PIWIL2: variants seen among roughly 807,000 people sequenced by gnomAD.
PIWIL2 encodes the protein piwi-like protein 2.
Under a neutral mutation model 116.5 loss-of-function variants are expected in PIWIL2, and 81 were observed. The ratio of observed to expected loss-of-function variants is 0.70; its 90% CI spans 0.58 to 0.84. The LOEUF (loss-of-function observed/expected upper bound fraction) is 0.84. Ranked by LOEUF, PIWIL2 falls within the 40% of genes least tolerant of loss-of-function variation. The pLI is 0.00. For synonymous variants in PIWIL2, 489 were observed against 429.5 expected (o/e 1.14, Z -1.71); for missense variants, 1,272 against 1,212.3 (o/e 1.05, Z -0.73).
intron 20 of PIWIL2, among the ~76,000 whole-genome samples, chr8:22,325,669 A>C (rs915454175): frequency 6.6e-6 from 1 of 151,840 alleles, no homozygotes; most frequent in African/African-American, 2.4e-5. Context: ...TTTTTAGTAG[A>C]GATGGGATTT....
rs909161088 is a variant in PIWIL2, at chr8:22,277,144, C to T, written c.-47+1746C>T. Among the ~76,000 whole-genome samples the T allele has an allele frequency of 2.6e-5, 4 of 151,948 alleles. No homozygotes were observed. In the South Asian group the frequency reaches 8.3e-4, roughly 32 times the overall value. Reference sequence around the variant, plus strand: ...TCAAGCAATTCTTGTGCCTCAGACTCCTGAGGAGGGGGGATTACAGGCATG... The same window carrying T: ...TCAAGCAATTCTTGTGCCTCAGACTTCTGAGGAGGGGGGATTACAGGCATG... On this transcript the variant is annotated intron_variant, in intron 1 of 22. Transcript: ENST00000356766.
intron 5 of PIWIL2, among the ~76,000 whole-genome samples, 159 bp downstream of exon 5, chr8:22,283,399 A>G (rs1481100856): frequency 1.3e-5 from 2 of 152,146 alleles, no homozygotes; most frequent in African/African-American, 4.8e-5. Flanking sequence ...TGACAAAGAG[A>G]TAGGACAATT....
intron 7 of PIWIL2, among the ~76,000 whole-genome samples, chr8:22,288,112 C>G (rs1460998967): frequency 6.6e-6 from 1 of 152,108 alleles, no homozygotes; most frequent in African/African-American, 2.4e-5. Context: ...TCCTGGCTAA[C>G]ACGGTGAAAC....
intron 15 of PIWIL2, 128 bp downstream of exon 15, chr8:22,310,202 C>T: frequency 1.7e-6 from 1 of 593,072 alleles, no homozygotes; most frequent in Non-Finnish European, 3.0e-6. Context: ...TCTGAATTAC[C>T]TACTAACCAG....
intron 20 of PIWIL2, among the ~76,000 whole-genome samples, chr8:22,326,047 G>A (rs1363264110): frequency 6.6e-6 from 1 of 152,144 alleles, no homozygotes; most frequent in Non-Finnish European, 1.5e-5. Context: ...AATAGATTCA[G>A]CCTATCTCTG....
At chr8:22,290,746 C>T (rs1399455010) in intron 10 of PIWIL2, among the ~76,000 whole-genome samples, 1 of 151,524 alleles carries the variant, frequency 6.6e-6, no homozygotes, top group African/African-American at 2.4e-5. Context: ...GTCATGGCAC[C>T]CAGCCCTGTT....
At chr8:22,355,227 C>G (rs1586606123) in intron 22 of PIWIL2, 122 bp from the exon 23 acceptor site, 6 of 844,550 alleles carry the variant, frequency 7.1e-6, no homozygotes, top group South Asian at 1.7e-5. Context: ...ATGTATTCCT[C>G]TGCTCCCCAG....
rs115107234 is a variant in PIWIL2 at position 22,342,613 on chromosome 8, A to C, written c.2404-10346A>C. Reference sequence around the variant, plus strand: ...GCATAGACCATACACGTTTTGCAAAAATTAAAACAAATTATAGACCTATGT... The same window carrying C: ...GCATAGACCATACACGTTTTGCAAACATTAAAACAAATTATAGACCTATGT... On this transcript the variant is annotated intron_variant, in intron 20 of 22. Coordinates refer to ENST00000356766, the MANE Select transcript of PIWIL2 (RefSeq NM_018068.5). Among the ~76,000 whole-genome samples the C allele has an allele frequency of 1.3e-3, 201 of 152,364 alleles. No individual in the cohort carries two copies. The Middle Eastern group carries it at 0.014, about 10-fold the overall frequency.
At chr8:22,326,257 G>A (rs1015438939) in intron 20 of PIWIL2, among the ~76,000 whole-genome samples, 2 of 151,592 alleles carry the variant, frequency 1.3e-5, no homozygotes, top group Admixed American at 6.6e-5. Flanking sequence ...TTAGTGGCTC[G>A]TGTCTGTAAT....
chr8:22,306,018 T>C lies in PIWIL2; in HGVS notation c.1545+2T>C. 1.2e-6 allele frequency: 2 copies of C among 1,608,090 alleles called. No homozygotes were observed. Among genetic ancestry groups the C allele is most frequent in the Admixed American group, 1.7e-5 (1 of 60,008 alleles). ...AAGAAGGACTTCAGAGCCATGAAGG[T>C]TGGAGTCCTGTGTTTTCAGCCGGAA... On this transcript the variant is annotated splice_donor_variant, in intron 13 of 22. Coordinates refer to ENST00000356766, the MANE Select transcript of PIWIL2 (RefSeq NM_018068.5). LOFTEE classifies it high-confidence loss of function.
rs1471556835 is a variant in PIWIL2, at chr8:22,279,473, A to C, written c.87A>C (p.Pro29=). 1 of 1,614,140 alleles carries C rather than the reference A, an allele frequency of 6.2e-7. No homozygotes were observed. The highest frequency in any genetic ancestry group is 2.2e-5 in the East Asian group (1 of 44,880). Reference sequence around the variant, plus strand: ...CTGTACGGATGCCAGGCTGTTGGCCACAAGCTTCTAAACCTTTGGACCCAG... The same window carrying C: ...CTGTACGGATGCCAGGCTGTTGGCCCCAAGCTTCTAAACCTTTGGACCCAG... ...CQAVRMPGCW[P]QASKPLDPAL... is the part of the protein sequence containing the mutation. Residue 29 remains proline (P), a synonymous_variant, in exon 2 of 23, where the codon CCA becomes CCC. Coordinates refer to ENST00000356766, the MANE Select transcript of PIWIL2 (RefSeq NM_018068.5).
intron 7 of PIWIL2, among the ~76,000 whole-genome samples, chr8:22,288,157 G>A (rs1200325582): frequency 6.6e-6 from 1 of 152,096 alleles, no homozygotes; most frequent in Non-Finnish European, 1.5e-5. Context: ...AATTAGCTGG[G>A]CATGGTGGCA....
In PIWIL2 at chr8:22,284,158, C is replaced by G; in HGVS notation, c.633-4C>G. ...TGCAGTTGCTTTTTGTTTTTATTTT[C>G]TAGAGAGCTTATTGTGAAGCAAGGA... On this transcript the variant is annotated splice_polypyrimidine_tract_variant and splice_region_variant and intron_variant, in intron 5 of 22. Coordinates refer to ENST00000356766, the MANE Select transcript of PIWIL2 (RefSeq NM_018068.5). 3 of 1,503,074 alleles carry G rather than the reference C, an allele frequency of 2.0e-6. No homozygotes were observed. The allele number at this position is 1,503,074 out of a possible 1,614,324, so 93.1% of individuals were successfully genotyped here. A position where few individuals can be genotyped will look rare whatever the true frequency, so the allele number is the denominator to read the frequency against.
chr8:22,279,261 A>G (rs531477715), intron 1 of PIWIL2, 80 bp from the exon 2 acceptor site: 1 of 739,168 alleles, frequency 1.4e-6, no homozygotes, highest in East Asian at 2.6e-5. Context: ...GACTCAAAAT[A>G]CTATTTTAAT....
chr8:22,321,963 C>G, intron 20 of PIWIL2: 1 of 985,206 alleles, frequency 1.0e-6, no homozygotes, highest in Non-Finnish European at 1.2e-6. Context: ...CATTCTAAAT[C>G]TCTCACTTGT....
rs746019646 is a variant in PIWIL2 at position 22,288,593 on chromosome 8, A to C, written c.913A>C (p.Lys305Gln). Reference sequence around the variant, plus strand: ...AACAGACAGTGCTGAAATCAGCATTAAGATTCAGATGACAAAGATCCTGGA... The same window carrying C: ...AACAGACAGTGCTGAAATCAGCATTCAGATTCAGATGACAAAGATCCTGGA... ...RKTDSAEISI[K>Q]IQMTKILEPC... is the part of the protein sequence containing the mutation. Residue 305 changes from lysine to glutamine, a missense_variant, in exon 8 of 23, where the codon AAG becomes CAG. Physicochemically the swap from Lys to Gln is moderately conservative, Grantham distance 53. Transcript: ENST00000356766. 6.2e-6 allele frequency: 10 copies of C among 1,612,286 alleles called. No homozygotes were observed. The Admixed American group carries it at 1.5e-4, about 24-fold the overall frequency.
intron 20 of PIWIL2, among the ~76,000 whole-genome samples, chr8:22,324,367 T>C (rs1469576972): frequency 6.6e-6 from 1 of 152,054 alleles, no homozygotes; most frequent in Non-Finnish European, 1.5e-5. Context: ...ACCTTTCCAC[T>C]TTTGAAAGGG....
At chr8:22,289,331 T>G (rs1830703749) in intron 8 of PIWIL2, among the ~76,000 whole-genome samples, 1 of 152,104 alleles carries the variant, frequency 6.6e-6, no homozygotes, top group South Asian at 2.1e-4. Flanking sequence ...TTTTGTATTT[T>G]TAATAGAGAT....
intron 10 of PIWIL2, among the ~76,000 whole-genome samples, chr8:22,295,108 C>T (rs1830866784): frequency 6.6e-6 from 1 of 151,858 alleles, no homozygotes. Flanking sequence ...TTATTTTCTC[C>T]ACAGTTATCT....
Sources: gnomAD v4.1 joint callset for allele counts (sites outside exome capture counted in the v4.1 genomes callset) on GRCh38, gnomAD v4.1.1 for gene constraint, MANE v1.5 for transcripts, NCBI Gene and HGNC (gene_info 2026-07-23, HGNC 2026-07-21) for gene names.